Variants in GRM8 observed in about 807,000 individuals in gnomAD.
The protein encoded by GRM8 is metabotropic glutamate receptor 8.
GRM8 carries 47 observed loss-of-function variants against 87.2 expected under a neutral mutation model. That is an observed-to-expected ratio of 0.54 (90% CI 0.43 to 0.69). The LOEUF (loss-of-function observed/expected upper bound fraction) is 0.69. Among genes scored for constraint, GRM8 ranks in the 30% least tolerant of loss-of-function variants. The pLI, the probability that GRM8 is intolerant of heterozygous loss-of-function variation, is 0.00. For missense variants in GRM8, 1,019 were observed against 1,139.2 expected (o/e 0.89, Z 1.52); for synonymous variants, 396 against 404.5 (o/e 0.98, Z 0.25).
chr7:126,571,207 T>C (rs1334200875), intron 8 of GRM8, among the ~76,000 whole-genome samples: 1 of 151,984 alleles, frequency 6.6e-6, no homozygotes, highest in Admixed American at 6.6e-5. Flanking sequence ...TTAATAAATA[T>C]CAGAAATATA....
intron 2 of GRM8, among the ~76,000 whole-genome samples, chr7:127,219,117 T>C (rs993021405): frequency 6.6e-6 from 1 of 151,472 alleles, no homozygotes; most frequent in Non-Finnish European, 1.5e-5. Context: ...AACTGCTCTT[T>C]ATGGCCTGCT....
chr7:127,167,936 G>A (rs1024141733), intron 2 of GRM8, among the ~76,000 whole-genome samples: 1 of 152,122 alleles, frequency 6.6e-6, no homozygotes, highest in South Asian at 2.1e-4. Flanking sequence ...ACACCATTTA[G>A]GACATAGGCA....
intron 6 of GRM8, among the ~76,000 whole-genome samples, chr7:126,792,074 C>G (rs190407608): frequency 3.9e-5 from 6 of 152,266 alleles, no homozygotes; most frequent in African/African-American, 1.4e-4. Context: ...ATGCAAAATG[C>G]TGCTGTTATC....
chr7:126,821,521 C>T (rs1245375847), intron 6 of GRM8, among the ~76,000 whole-genome samples: 1 of 152,198 alleles, frequency 6.6e-6, no homozygotes, highest in African/African-American at 2.4e-5. Context: ...TGGTCCCTGG[C>T]ATATGATAAC....
At chr7:127,084,344 G>A (rs1039898791) in intron 3 of GRM8, 2 of 152,192 alleles carry the variant, frequency 1.3e-5, no homozygotes, top group East Asian at 3.8e-4. Context: ...CAGAATAGGA[G>A]TTGGAATATT....
At chr7:126,490,446 T>A (rs963610508) in intron 9 of GRM8, among the ~76,000 whole-genome samples, 3 of 152,074 alleles carry the variant, frequency 2.0e-5, no homozygotes, top group Admixed American at 6.6e-5. Context: ...CAATCAATAA[T>A]CACAGCATCT....
At chr7:126,461,375 C>T (rs1803882695) in intron 9 of GRM8, among the ~76,000 whole-genome samples, 1 of 151,564 alleles carries the variant, frequency 6.6e-6, no homozygotes, top group South Asian at 2.1e-4. Context: ...ACCACAACTC[C>T]TCTCTATCCC....
chr7:127,197,127 T>C (rs945223996), intron 2 of GRM8, among the ~76,000 whole-genome samples: 2 of 152,238 alleles, frequency 1.3e-5, no homozygotes, highest in Non-Finnish European at 2.9e-5. Flanking sequence ...TTCTATATTA[T>C]TTGCATCACA....
intron 9 of GRM8, among the ~76,000 whole-genome samples, chr7:126,469,288 C>G (rs1454441852): frequency 1.3e-5 from 2 of 152,156 alleles, no homozygotes; most frequent in Middle Eastern, 3.2e-3. Flanking sequence ...AAACTATTAT[C>G]TGTATTTGCT....
rs1031675881 is a variant in GRM8, at chr7:127,136,890, C to G, written c.511-30178G>C. On this transcript the variant is annotated intron_variant, in intron 2 of 10. Coordinates refer to ENST00000339582, the MANE Select transcript of GRM8 (RefSeq NM_000845.3). The stretch of plus-strand genomic sequence containing the variant: ...AAATATTCCACTCCTGAGAAAATTC[C>G]CCATCAGATATAGGCAATTTCTAAA... Among the ~76,000 whole-genome samples, 4 of 151,812 alleles carry G rather than the reference C, an allele frequency of 2.6e-5. No individual in the cohort carries two copies. In the South Asian group the frequency reaches 6.2e-4, roughly 24 times the overall value.
intron 7 of GRM8, among the ~76,000 whole-genome samples, chr7:126,739,211 T>C (rs1001791713): frequency 2.0e-5 from 3 of 152,048 alleles, no homozygotes; most frequent in Non-Finnish European, 4.4e-5. Flanking sequence ...ACAAGGCATA[T>C]GTTGGCAACA....
chr7:127,153,652 A>C (rs1792542422), intron 2 of GRM8, among the ~76,000 whole-genome samples: 1 of 152,174 alleles, frequency 6.6e-6, no homozygotes. Context: ...TTTGAGAAGC[A>C]TCAAATCTCT....
At chr7:127,061,456 G>A (rs1176504395) in intron 3 of GRM8, among the ~76,000 whole-genome samples, 1 of 152,080 alleles carries the variant, frequency 6.6e-6, no homozygotes, top group East Asian at 1.9e-4. Context: ...TCTATGAACT[G>A]GGCATTATTA....
intron 7 of GRM8, among the ~76,000 whole-genome samples, chr7:126,764,051 G>A (rs74543049): frequency 0.03 from 4,498 of 151,914 alleles, 250 homozygotes; most frequent in African/African-American, 0.1. Context: ...ATGTAGAAAA[G>A]TCTTAATGTT....
intron 3 of GRM8, among the ~76,000 whole-genome samples, chr7:127,074,351 C>T (rs1398930976): frequency 1.3e-5 from 2 of 152,134 alleles, no homozygotes; most frequent in Admixed American, 6.5e-5. Flanking sequence ...TCACCCATCA[C>T]ATCTGAGCAG....
intron 2 of GRM8, among the ~76,000 whole-genome samples, chr7:127,234,260 G>A (rs575155856): frequency 1.3e-5 from 2 of 152,240 alleles, no homozygotes; most frequent in African/African-American, 4.8e-5. Context: ...TACAATCTAA[G>A]TTTCTTAAAT....
intron 2 of GRM8, among the ~76,000 whole-genome samples, chr7:127,185,684 A>G (rs1794696034): frequency 6.6e-6 from 1 of 152,180 alleles, no homozygotes; most frequent in Admixed American, 6.5e-5. Flanking sequence ...CAAGTTCATC[A>G]GCTCAGGTGT....
intron 7 of GRM8, among the ~76,000 whole-genome samples, chr7:126,679,308 T>C (rs1807300828): frequency 6.6e-6 from 1 of 152,252 alleles, no homozygotes; most frequent in Admixed American, 6.5e-5. Flanking sequence ...TTTTATCTAC[T>C]ATTATTTTTG....
chr7:126,918,507 C>T (rs1563315741), intron 3 of GRM8, among the ~76,000 whole-genome samples: 1 of 152,228 alleles, frequency 6.6e-6, no homozygotes, highest in East Asian at 1.9e-4. Context: ...ATTAAAATGA[C>T]CACTGGAAGA....
Sources: gnomAD v4.1 joint callset for allele counts (sites outside exome capture counted in the v4.1 genomes callset) on GRCh38, gnomAD v4.1.1 for gene constraint, MANE v1.5 for transcripts, NCBI Gene and HGNC (gene_info 2026-07-23, HGNC 2026-07-21) for gene names.